SLC44A5: variants seen among roughly 807,000 people sequenced by gnomAD.
The protein encoded by SLC44A5 is solute carrier family 44 member 5.
A neutral mutation model predicts 101.8 loss-of-function variants in SLC44A5; 57 were observed. That is an observed-to-expected ratio of 0.56 (90% confidence interval 0.45 to 0.70). SLC44A5 has a LOEUF of 0.70. SLC44A5 is among the 30% of genes least tolerant of loss of function. SLC44A5 has a pLI of 0.00. For synonymous variants in SLC44A5, 281 were observed against 290.9 expected (o/e 0.97, Z 0.35); for missense variants, 737 against 853.1 (o/e 0.86, Z 1.70).
At chr1:75,626,192 T>A in the SLC44A5 span, among the ~76,000 whole-genome samples, 1 of 152,134 alleles carries the variant, frequency 6.6e-6, no homozygotes, top group Admixed American at 6.6e-5. Flanking sequence ...TTTTGCTCCG[T>A]CAATGTAAAG....
At chr1:75,466,431 C>T (rs369650927) in intron 2 of SLC44A5, among the ~76,000 whole-genome samples, 6 of 151,956 alleles carry the variant, frequency 3.9e-5, no homozygotes, top group Non-Finnish European at 7.4e-5. Flanking sequence ...CCGAGGTGGG[C>T]GGATCACGAG....
intron 5 of SLC44A5, among the ~76,000 whole-genome samples, chr1:75,280,674 T>C (rs2100775801): frequency 6.6e-6 from 1 of 150,922 alleles, no homozygotes; most frequent in Non-Finnish European, 1.5e-5. Context: ...GATTAGATCA[T>C]GAGGGTGGTT....
the SLC44A5 span, among the ~76,000 whole-genome samples, chr1:75,720,892 T>C: frequency 2.0e-5 from 3 of 152,228 alleles, no homozygotes; most frequent in South Asian, 4.1e-4. Context: ...TTCCAGGTTA[T>C]AGGCAGATTT....
intron 2 of SLC44A5, among the ~76,000 whole-genome samples, chr1:75,460,134 C>T (rs900737857): frequency 1.3e-5 from 2 of 152,194 alleles, no homozygotes; most frequent in African/African-American, 4.8e-5. Context: ...ATTCTCTGCA[C>T]TGTTCTCTCC....
chr1:75,420,751 G>A (rs961880388), intron 2 of SLC44A5, among the ~76,000 whole-genome samples: 3 of 151,846 alleles, frequency 2.0e-5, no homozygotes, highest in South Asian at 2.1e-4. Context: ...TAATAATTAC[G>A]ATAACTCAAT....
intron 2 of SLC44A5, among the ~76,000 whole-genome samples, chr1:75,467,137 C>T (rs1254677491): frequency 1.3e-5 from 2 of 151,628 alleles, no homozygotes; most frequent in African/African-American, 4.8e-5. Flanking sequence ...ACTGAAAGAC[C>T]TCTATAATGA....
At chr1:75,600,053 G>A (rs1357820877) in intron 1 of SLC44A5, among the ~76,000 whole-genome samples, 3 of 152,134 alleles carry the variant, frequency 2.0e-5, no homozygotes, top group African/African-American at 7.2e-5. Flanking sequence ...CGAAAGCAAG[G>A]AGACCCCTTA....
At chr1:75,246,334 T>G (rs1222625025) in intron 7 of SLC44A5, among the ~76,000 whole-genome samples, 1 of 152,098 alleles carries the variant, frequency 6.6e-6, no homozygotes, top group Non-Finnish European at 1.5e-5. Flanking sequence ...ATAGGAATGA[T>G]AGATTTGTAG....
chr1:75,561,833 C>T (rs1672532381), intron 1 of SLC44A5, among the ~76,000 whole-genome samples: 1 of 151,974 alleles, frequency 6.6e-6, no homozygotes, highest in African/African-American at 2.4e-5. Context: ...CATAGAGTGA[C>T]AGTTATAATC....
the SLC44A5 span, chr1:75,641,419 A>G: frequency 5.4e-6 from 6 of 1,117,896 alleles, no homozygotes; most frequent in South Asian, 7.4e-5. Flanking sequence ...TGCTTTGTGG[A>G]GAATAAGCAC....
At chr1:75,634,640 TAC>T in the SLC44A5 span, among the ~76,000 whole-genome samples, 1 of 151,306 alleles carries the variant, frequency 6.6e-6, no homozygotes, top group Non-Finnish European at 1.5e-5. Flanking sequence ...ATCCCTTCCT[TAC>T]ACCTTATACA....
At chr1:75,457,140 T>C (rs1024274719) in intron 2 of SLC44A5, among the ~76,000 whole-genome samples, 21 of 152,184 alleles carry the variant, frequency 1.4e-4, no homozygotes, top group African/African-American at 5.1e-4. Flanking sequence ...GATAGGAATA[T>C]ACAAGGTTCT....
chr1:75,538,012 T>A (rs1376957341), intron 2 of SLC44A5: 1 of 152,290 alleles, frequency 6.6e-6, no homozygotes, highest in African/African-American at 2.4e-5. Flanking sequence ...TAATTAACTA[T>A]GCAAAAATAT....
chr1:75,280,427 G>GTATATAA (rs1652408391), intron 5 of SLC44A5, among the ~76,000 whole-genome samples: 1 of 92,530 alleles, frequency 1.1e-5, no homozygotes, highest in Non-Finnish European at 2.0e-5. Context: ...TATATATATT[G>GTATATAA]TATATATTAT....
chr1:75,468,008 T>G (rs1471094310), intron 2 of SLC44A5, among the ~76,000 whole-genome samples: 1 of 150,626 alleles, frequency 6.6e-6, no homozygotes, highest in Non-Finnish European at 1.5e-5. Flanking sequence ...AATCAAAAGA[T>G]GAACAAAAGA....
intron 5 of SLC44A5, among the ~76,000 whole-genome samples, chr1:75,283,158 T>G (rs1652752123): frequency 1.1e-5 from 1 of 91,110 alleles, no homozygotes; most frequent in Admixed American, 1.5e-4. Context: ...CACATCTACA[T>G]CAGCATCTAT....
intron 1 of SLC44A5, among the ~76,000 whole-genome samples, chr1:75,603,977 T>G (rs1362828673): frequency 6.6e-6 from 1 of 152,072 alleles, no homozygotes; most frequent in Non-Finnish European, 1.5e-5. Flanking sequence ...CTGTTTACTC[T>G]GTTGATAGTT....
At chr1:75,472,732 A>G (rs545395838) in intron 2 of SLC44A5, among the ~76,000 whole-genome samples, 1 of 152,296 alleles carries the variant, frequency 6.6e-6, no homozygotes, top group South Asian at 2.1e-4. Context: ...TTTATGATTA[A>G]AGCACAAATG....
chr1:75,359,799 G>T (rs1417737417), intron 3 of SLC44A5, among the ~76,000 whole-genome samples: 1 of 152,036 alleles, frequency 6.6e-6, no homozygotes, highest in Non-Finnish European at 1.5e-5. Flanking sequence ...ACGGTGCACA[G>T]GGTTTGCTTT....
Sources: gnomAD v4.1 joint callset for allele counts (sites outside exome capture counted in the v4.1 genomes callset) on GRCh38, gnomAD v4.1.1 for gene constraint, MANE v1.5 for transcripts, NCBI Gene and HGNC (gene_info 2026-07-23, HGNC 2026-07-21) for gene names.